Variants in TNRC6B observed in about 807,000 individuals in gnomAD.
The protein encoded by TNRC6B is trinucleotide repeat-containing gene 6B protein.
TNRC6B carries 52 observed loss-of-function variants against 203.6 expected under a neutral mutation model. That is an observed-to-expected ratio of 0.26 (90% confidence interval 0.20 to 0.32). The LOEUF (loss-of-function observed/expected upper bound fraction) is 0.32. Among genes scored for constraint, TNRC6B ranks in the 10% least tolerant of loss-of-function variants. The pLI, the probability that TNRC6B is intolerant of heterozygous loss-of-function variation, is 1.00. For missense variants in TNRC6B, 1,923 were observed against 2,286.2 expected (o/e 0.84, Z 3.24); for synonymous variants, 838 against 845.7 (o/e 0.99, Z 0.16).
rs147946189 is a variant in TNRC6B at position 40,220,258 on chromosome 22, A to G, written c.6-25757A>G. On this transcript the variant is annotated intron_variant, in intron 1 of 22. Transcript: ENST00000454349. ...AAGGATCCCCAAACCCTTGATAGCCATGGACAGCCCACAGTGGTCATGGAG... is the reference window on the plus strand; with the variant it reads ...AAGGATCCCCAAACCCTTGATAGCCGTGGACAGCCCACAGTGGTCATGGAG... Among the ~76,000 whole-genome samples, 808 of 152,286 alleles carry G rather than the reference A, an allele frequency of 5.3e-3. 5 individuals carry two copies. The highest frequency in any genetic ancestry group is 0.01 in the Middle Eastern group (3 of 294).
intron 1 of TNRC6B, among the ~76,000 whole-genome samples, chr22:40,211,004 G>T (rs1174022045): frequency 2.6e-5 from 4 of 152,096 alleles, no homozygotes; most frequent in Admixed American, 2.0e-4. Context: ...AATCATCCTT[G>T]CTGAAAACCA....
chr22:40,163,827 A>AT (rs1024006169), intron 4 of TNRC6B, among the ~76,000 whole-genome samples: 3 of 151,936 alleles, frequency 2.0e-5, no homozygotes, highest in Admixed American at 2.0e-4. Context: ...ATTTTATTTT[A>AT]TTTTTTTATT....
chr22:40,206,793 A>G (rs967782370), intron 1 of TNRC6B, among the ~76,000 whole-genome samples: 3 of 152,176 alleles, frequency 2.0e-5, no homozygotes, highest in East Asian at 1.9e-4. Flanking sequence ...CTGGCCTGAC[A>G]GTAGGGAGAG....
intron 3 of TNRC6B, among the ~76,000 whole-genome samples, chr22:40,137,408 C>A (rs758873384): frequency 1.8e-4 from 28 of 152,164 alleles, no homozygotes; most frequent in African/African-American, 6.5e-4. Context: ...ACAAGTTACA[C>A]GGCAGAGTAA....
At chr22:40,174,057 C>T (rs1241748944), upstream of TNRC6B, among the ~76,000 whole-genome samples, 1 of 151,330 alleles carries the variant, frequency 6.6e-6, no homozygotes, top group Non-Finnish European at 1.5e-5. Context: ...GCTCAGTCTC[C>T]CAGAGTGCTG....
intron 1 of TNRC6B, among the ~76,000 whole-genome samples, chr22:40,098,636 A>G (rs917572584): frequency 2.6e-5 from 4 of 152,130 alleles, no homozygotes; most frequent in African/African-American, 9.7e-5. Context: ...GGGTGGGTTT[A>G]TCATGCTTTT....
intron 12 of TNRC6B, among the ~76,000 whole-genome samples, chr22:40,298,575 A>G (rs1029839303): frequency 2.6e-5 from 4 of 152,264 alleles, no homozygotes; most frequent in African/African-American, 7.2e-5. Context: ...AAAATCTAAT[A>G]ATGACTGAAG....
At chr22:40,254,253 G>A (rs1161984684) in intron 3 of TNRC6B, among the ~76,000 whole-genome samples, 1 of 152,178 alleles carries the variant, frequency 6.6e-6, no homozygotes, top group Non-Finnish European at 1.5e-5. Context: ...TGATGTAATC[G>A]TTCAGATTTA....
rs2068232696 is a variant in TNRC6B, at chr22:40,100,783, A to G, written c.-120-16272A>G. On this transcript the variant is annotated intron_variant, in intron 1 of 23. Coordinates refer to the TNRC6B transcript ENST00000301923. ...CCCAAGGATACTGAGGGATGAGTGT[A>G]TTATATTGGATGGAGACTGGGGGAA... is the stretch of plus-strand genomic sequence containing the variant. 2.0e-5 allele frequency among the ~76,000 whole-genome samples: 3 copies of G among 152,174 alleles called. No individual in the cohort carries two copies. In the South Asian group the frequency reaches 6.2e-4, roughly 32 times the overall value.
At chr22:40,153,435 G>A (rs1024916132) in intron 3 of TNRC6B, among the ~76,000 whole-genome samples, 5 of 152,084 alleles carry the variant, frequency 3.3e-5, no homozygotes, top group East Asian at 1.9e-4. Flanking sequence ...TCTCCAAGGC[G>A]GAGTGAAACT....
At chr22:40,221,761 C>CCCCTTT (rs11407329) in intron 1 of TNRC6B, among the ~76,000 whole-genome samples, 1 of 134,276 alleles carries the variant, frequency 7.4e-6, no homozygotes. Context: ...GCCCCCCCCC[C>CCCCTTT]TTTTTTTTTT....
chr22:40,130,779 T>TAAAAAA (rs200268757), intron 3 of TNRC6B, among the ~76,000 whole-genome samples: 1 of 65,042 alleles, frequency 1.5e-5, no homozygotes, highest in African/African-American at 6.6e-5. Context: ...AGACTCCGTC[T>TAAAAAA]AAAAAAAAAA....
rs547333413 is a variant in TNRC6B, at chr22:40,061,381, A to AT, written c.-121+16396dup. ...AGGCATGCGCCACCACGTCTGCCTA[A>AT]TTTTTTTTTTTTTGTATTTTTAGTA... On this transcript the variant is annotated intron_variant, in intron 1 of 23. Transcript: ENST00000301923. Among the ~76,000 whole-genome samples the AT allele has an allele frequency of 3.0e-3, 439 of 144,290 alleles. 2 individuals carry two copies. Among genetic ancestry groups the AT allele is most frequent in the East Asian group, 6.4e-3 (32 of 4,990 alleles). The allele number at this position is 144,290 out of a possible 152,430, so 94.7% of individuals were successfully genotyped here. A position where few individuals can be genotyped will look rare whatever the true frequency, so the allele number is the denominator to read the frequency against.
At chr22:40,229,740 T>C (rs2069841375) in intron 1 of TNRC6B, among the ~76,000 whole-genome samples, 1 of 152,222 alleles carries the variant, frequency 6.6e-6, no homozygotes, top group Admixed American at 6.5e-5. Flanking sequence ...GTGGCTTCTT[T>C]TACTCAACAT....
chr22:40,304,671 C>T lies in TNRC6B; in HGVS notation c.4120+3338C>T, dbSNP rs183537968. On this transcript the variant is annotated intron_variant, in intron 15 of 22. Coordinates refer to ENST00000454349, the MANE Select transcript of TNRC6B (RefSeq NM_001162501.2). Reference sequence around the variant, plus strand: ...CATTATAGTAAGGAGTGTTGGTTACCGTGGATATCTGAACTCATTTAGAAA... The same window carrying T: ...CATTATAGTAAGGAGTGTTGGTTACTGTGGATATCTGAACTCATTTAGAAA... Among the ~76,000 whole-genome samples the T allele has an allele frequency of 6.6e-5, 10 of 152,130 alleles. No individual in the cohort carries two copies. In the East Asian group the frequency reaches 1.4e-3, roughly 21 times the overall value.
intron 6 of TNRC6B, among the ~76,000 whole-genome samples, chr22:40,272,247 C>A (rs1020658004): frequency 6.6e-6 from 1 of 152,188 alleles, no homozygotes; most frequent in Non-Finnish European, 1.5e-5. Flanking sequence ...ACAGACAGCC[C>A]CTTCCTGTGG....
chr22:40,072,910 T>C (rs947065797), intron 1 of TNRC6B, among the ~76,000 whole-genome samples: 1 of 138,488 alleles, frequency 7.2e-6, no homozygotes, highest in African/African-American at 2.7e-5. Flanking sequence ...AGTGGAGGTA[T>C]AGAGCATTGG....
At chr22:40,130,969 T>C (rs2068538291) in intron 3 of TNRC6B, among the ~76,000 whole-genome samples, 1 of 149,744 alleles carries the variant, frequency 6.7e-6, no homozygotes, top group Non-Finnish European at 1.5e-5. Context: ...TGGTGCGATC[T>C]CGGGTCACTG....
intron 3 of TNRC6B, among the ~76,000 whole-genome samples, chr22:40,255,161 T>C (rs768151119): frequency 5.3e-5 from 8 of 152,224 alleles, no homozygotes; most frequent in Non-Finnish European, 1.0e-4. Flanking sequence ...AACAGTTCCT[T>C]GGTAATTATC....
Sources: allele counts gnomAD v4.1 joint callset (sites outside exome capture counted in the v4.1 genomes callset), GRCh38; gene constraint gnomAD v4.1.1; transcripts MANE v1.5; gene names NCBI Gene and HGNC (gene_info 2026-07-23, HGNC 2026-07-21).